The following SEMA6D variants were observed in gnomAD, a reference collection of about 807,000 sequenced individuals.
SEMA6D encodes semaphorin-6D.
A neutral mutation model predicts 106.6 loss-of-function variants in SEMA6D; 35 were observed. That is an observed-to-expected ratio of 0.33 (90% CI 0.25 to 0.44). SEMA6D has a LOEUF of 0.44. SEMA6D is among the 20% of genes least tolerant of loss of function. The pLI, the probability that SEMA6D is intolerant of heterozygous loss-of-function variation, is 1.00. For missense variants in SEMA6D, 1,185 were observed against 1,345.9 expected (o/e 0.88, Z 1.87); for synonymous variants, 499 against 487.7 (o/e 1.02, Z -0.31).
chr15:47,423,507 T>A (rs150243269), intron 2 of SEMA6D, among the ~76,000 whole-genome samples: 13 of 152,256 alleles, frequency 8.5e-5, no homozygotes, highest in Middle Eastern at 3.4e-3. Flanking sequence ...GGACCTTGTC[T>A]AATGAAACTC....
chr15:47,426,160 T>G (rs975693853), intron 2 of SEMA6D, among the ~76,000 whole-genome samples: 2 of 152,098 alleles, frequency 1.3e-5, no homozygotes, highest in Non-Finnish European at 2.9e-5. Context: ...AGGATCTTAG[T>G]GCAAGAGTTT....
At chr15:47,699,670 G>A (rs1466673137) in intron 4 of SEMA6D, among the ~76,000 whole-genome samples, 4 of 152,154 alleles carry the variant, frequency 2.6e-5, no homozygotes, top group South Asian at 2.1e-4. Flanking sequence ...GCAAAGGAAG[G>A]GGAATATTTG....
chr15:47,354,191 C>G (rs867378527), intron 1 of SEMA6D, among the ~76,000 whole-genome samples: 1 of 109,360 alleles, frequency 9.1e-6, no homozygotes, highest in African/African-American at 7.4e-5. Flanking sequence ...CTCTCTCTCT[C>G]TCTCTCTCTA....
intron 3 of SEMA6D, among the ~76,000 whole-genome samples, chr15:47,542,176 T>G (rs2045375713): frequency 2.6e-5 from 4 of 152,176 alleles, no homozygotes; most frequent in Non-Finnish European, 5.9e-5. Flanking sequence ...AGATCCTATT[T>G]TCCTCTGACT....
At chr15:47,419,538 T>C (rs1248737024) in intron 2 of SEMA6D, among the ~76,000 whole-genome samples, 1 of 151,830 alleles carries the variant, frequency 6.6e-6, no homozygotes, top group Non-Finnish European at 1.5e-5. Context: ...AGCTGGAGTT[T>C]TATTGAGGAA....
At chr15:47,189,872 T>C (rs1893844735) in intron 1 of SEMA6D, among the ~76,000 whole-genome samples, 3 of 152,230 alleles carry the variant, frequency 2.0e-5, no homozygotes, top group Admixed American at 1.3e-4. Context: ...ATGATATAAA[T>C]AGTGCATAAA....
At chr15:47,729,590 A>G (rs1596821340) in intron 1 of SEMA6D, among the ~76,000 whole-genome samples, 1 of 152,092 alleles carries the variant, frequency 6.6e-6, no homozygotes, top group Non-Finnish European at 1.5e-5. Context: ...GTCAGGTAAG[A>G]TCACCCCACT....
intron 1 of SEMA6D, among the ~76,000 whole-genome samples, chr15:47,228,677 C>T (rs2031981753): frequency 1.3e-5 from 2 of 151,934 alleles, no homozygotes; most frequent in African/African-American, 2.4e-5. Context: ...GGATGCCCTA[C>T]TGAATTGCAG....
intron 1 of SEMA6D, among the ~76,000 whole-genome samples, chr15:47,217,534 GTATTAAGTGAAA>G (rs142447055): frequency 0.022 from 3,368 of 151,248 alleles, 229 homozygotes; most frequent in East Asian, 0.18. Flanking sequence ...GTTCTAAGAT[GTATTAAGTGAAA>G]TACAAACCAC....
chr15:47,298,913 TA>T (rs772525388), intron 1 of SEMA6D, among the ~76,000 whole-genome samples: 1 of 152,216 alleles, frequency 6.6e-6, no homozygotes, highest in Non-Finnish European at 1.5e-5. Context: ...CTGCTTTACC[TA>T]AATTGTCTCA....
intron 1 of SEMA6D, among the ~76,000 whole-genome samples, chr15:47,194,061 A>AGGTGGATGGATGGATG (rs1294279429): frequency 6.6e-6 from 1 of 151,090 alleles, no homozygotes; most frequent in Admixed American, 6.6e-5. Context: ...GTGAGTGGGT[A>AGGTGGATGGATGGATG]GGTGGATGGA....
chr15:47,385,204 A>ACAAACAGAACATTGTAATAAAGAATT (rs2039789214), intron 1 of SEMA6D, among the ~76,000 whole-genome samples: 1 of 152,086 alleles, frequency 6.6e-6, no homozygotes, highest in East Asian at 1.9e-4. Context: ...AATTTACACT[A>ACAAACAGAACATTGTAATAAAGAATT]CAAACAGAAC....
intron 1 of SEMA6D, among the ~76,000 whole-genome samples, chr15:47,382,683 C>T (rs148866362): frequency 6.6e-6 from 1 of 152,310 alleles, no homozygotes; most frequent in African/African-American, 2.4e-5. Flanking sequence ...GAATGTGAAG[C>T]CTACTAGTTG....
At chr15:47,648,519 A>G (rs1002102292) in intron 4 of SEMA6D, among the ~76,000 whole-genome samples, 1 of 142,600 alleles carries the variant, frequency 7.0e-6, no homozygotes, top group African/African-American at 2.8e-5. Flanking sequence ...TTTGTAAAGT[A>G]GACGGTAATC....
chr15:47,341,882 C>G (rs2037827821), intron 1 of SEMA6D, among the ~76,000 whole-genome samples: 1 of 152,078 alleles, frequency 6.6e-6, no homozygotes, highest in African/African-American at 2.4e-5. Context: ...CACCCCTTTC[C>G]CTCCTTTCAC....
At chr15:47,637,938 A>C (rs2077420288) in intron 4 of SEMA6D, among the ~76,000 whole-genome samples, 1 of 152,184 alleles carries the variant, frequency 6.6e-6, no homozygotes, top group African/African-American at 2.4e-5. Context: ...AGCAGACCAT[A>C]ACTAAAATAA....
chr15:47,290,761 C>T (rs907453207), intron 1 of SEMA6D, among the ~76,000 whole-genome samples: 3 of 152,288 alleles, frequency 2.0e-5, no homozygotes, highest in East Asian at 3.9e-4. Context: ...CGTGAATGAA[C>T]ACTTTGTTAG....
At chr15:47,416,655 C>G (rs772099162) in intron 2 of SEMA6D, among the ~76,000 whole-genome samples, 1 of 152,034 alleles carries the variant, frequency 6.6e-6, no homozygotes, top group Non-Finnish European at 1.5e-5. Context: ...TGTTTCTCCC[C>G]GAAGCCAGTG....
intron 3 of SEMA6D, among the ~76,000 whole-genome samples, chr15:47,552,269 C>T (rs2045718979): frequency 6.6e-6 from 1 of 151,716 alleles, no homozygotes; most frequent in Non-Finnish European, 1.5e-5. Context: ...ATATATGCAC[C>T]ATGGTTGCAA....
Sources: gnomAD v4.1 joint callset for allele counts (sites outside exome capture counted in the v4.1 genomes callset) on GRCh38, gnomAD v4.1.1 for gene constraint, MANE v1.5 for transcripts, NCBI Gene and HGNC (gene_info 2026-07-23, HGNC 2026-07-21) for gene names.